The following ARMCX4 variants were observed in gnomAD, a reference collection of about 807,000 sequenced individuals.
ARMCX4 encodes armadillo repeat containing X-linked 4.
ARMCX4 carries 3 observed loss-of-function variants against 34.7 expected under a neutral mutation model. That is an observed-to-expected ratio of 0.09 (90% CI 0.04 to 0.22). ARMCX4 has a LOEUF of 0.22. Ranked by LOEUF, ARMCX4 falls within the 10% of genes least tolerant of loss-of-function variation. The pLI is 1.00. For missense variants in ARMCX4, 1,448 were observed against 1,720.8 expected (o/e 0.84, Z 2.81); for synonymous variants, 513 against 632.8 (o/e 0.81, Z 2.84).
At chrX:101,441,419 C>A (rs2147562547) in intron 2 of ARMCX4, among the ~76,000 whole-genome samples, 1 of 110,860 alleles carries the variant, frequency 9.0e-6, no homozygotes, top group South Asian at 3.9e-4. Flanking sequence ...CTTACCATCT[C>A]CTTCACCTTG....
At chrX:101,508,617 A>G (rs1295028138) in intron 8 of ARMCX4, among the ~76,000 whole-genome samples, 1 of 111,523 alleles carries the variant, frequency 9.0e-6, no homozygotes, top group Non-Finnish European at 1.9e-5. Context: ...CAATATATAA[A>G]TTTTGGGGGA....
intron 4 of ARMCX4, among the ~76,000 whole-genome samples, chrX:101,473,100 G>A (rs371074585): frequency 3.6e-5 from 4 of 111,247 alleles, no homozygotes; most frequent in Non-Finnish European, 7.5e-5. Context: ...TCAAAATAAA[G>A]GGATGGAGGA....
chrX:101,466,720 A>G (rs1275589803), intron 4 of ARMCX4, among the ~76,000 whole-genome samples: 1 of 111,787 alleles, frequency 8.9e-6, no homozygotes, highest in African/African-American at 3.3e-5. Flanking sequence ...GGCTGAAGAG[A>G]GAGGGTTGAC....
chrX:101,531,087 A>T (rs912048990), intron 11 of ARMCX4, among the ~76,000 whole-genome samples: 2 of 111,445 alleles, frequency 1.8e-5, no homozygotes, highest in African/African-American at 6.5e-5. Context: ...TGGAGAATCT[A>T]TTTCCTTGCA....
At chrX:101,457,948 G>T (rs1183340966) in intron 4 of ARMCX4, among the ~76,000 whole-genome samples, 1 of 110,052 alleles carries the variant, frequency 9.1e-6, no homozygotes, top group Non-Finnish European at 1.9e-5. Context: ...CACCACGTTG[G>T]CCAGGCTGGT....
chrX:101,477,229 C>T (rs1269043720), intron 4 of ARMCX4, among the ~76,000 whole-genome samples: 2 of 108,488 alleles, frequency 1.8e-5, no homozygotes, highest in Admixed American at 2.0e-4. Context: ...CACTTGAAGT[C>T]AAGAGTTTGA....
chrX:101,476,161 C>G (rs59828086), intron 4 of ARMCX4, among the ~76,000 whole-genome samples: 6,974 of 109,571 alleles, frequency 0.064, 227 homozygotes, highest in African/African-American at 0.13. Context: ...ATTTATTATT[C>G]ATAATTTATT....
chrX:101,510,194 G>A (rs782532375), intron 10 of ARMCX4, among the ~76,000 whole-genome samples: 1 of 111,492 alleles, frequency 9.0e-6, no homozygotes, highest in African/African-American at 3.3e-5. Flanking sequence ...ATATATATAC[G>A]CATATATTCA....
intron 4 of ARMCX4, among the ~76,000 whole-genome samples, chrX:101,459,141 A>G (rs1253203722): frequency 8.9e-6 from 1 of 111,818 alleles, no homozygotes; most frequent in East Asian, 2.8e-4. Context: ...TGTCTTGTTT[A>G]GCCACTCCAG....
chrX:101,467,546 G>A (rs1331231711), intron 4 of ARMCX4, among the ~76,000 whole-genome samples: 1 of 112,012 alleles, frequency 8.9e-6, no homozygotes, highest in Non-Finnish European at 1.9e-5. Flanking sequence ...ATCAAACTGG[G>A]TTAAGCTGGT....
At chrX:101,511,790 G>T (rs1013074560) in intron 11 of ARMCX4, among the ~76,000 whole-genome samples, 2 of 111,303 alleles carry the variant, frequency 1.8e-5, no homozygotes, top group Non-Finnish European at 3.8e-5. Flanking sequence ...ACATGGAGAG[G>T]AATCCTCCAA....
upstream of ARMCX4, among the ~76,000 whole-genome samples, chrX:101,481,914 A>T (rs1933467177): frequency 9.0e-6 from 1 of 111,351 alleles, no homozygotes; most frequent in Admixed American, 9.6e-5. Context: ...TAAATGAAAA[A>T]AAAGCAAGTT....
intron 12 of ARMCX4, chrX:101,532,613 G>A (rs1355076935): frequency 6.3e-5 from 7 of 111,210 alleles, no homozygotes; most frequent in Non-Finnish European, 1.1e-4. Flanking sequence ...AAGTGGGAAA[G>A]TGCAGAAATT....
At chrX:101,461,077 A>G (rs1407735366) in intron 4 of ARMCX4, among the ~76,000 whole-genome samples, 1 of 112,264 alleles carries the variant, frequency 8.9e-6, no homozygotes, top group Non-Finnish European at 1.9e-5. Context: ...TTATTTGTAC[A>G]ATATAACATA....
chrX:101,447,479 T>A (rs782505881), downstream of ARMCX4: 5 of 111,891 alleles, frequency 4.5e-5, no homozygotes, highest in Admixed American at 9.5e-5. Flanking sequence ...ACAAGGTTTC[T>A]CTTGATGTCT....
Position 101,492,958 on chromosome X carries a change from G to A in ARMCX4, c.4369G>A (p.Ala1457Thr). Residue 1457 changes from alanine (A) to threonine (T), a missense_variant, in exon 6 of 6, where the codon GCT becomes ACT. By Grantham distance (58) the Ala-to-Thr change is moderately conservative. This residue lies in a region of ARMCX4 where 1,343 missense variants were observed against 1,540.7 expected (regional missense o/e 0.87). Coordinates refer to ENST00000423738, the MANE Select transcript of ARMCX4 (RefSeq NM_001256155.3). ...GTCCTGGACTGGGGCTGGGCATCCA[G>A]CTAGTGTTGGGCCAAAGCCTATATT... is the stretch of plus-strand genomic sequence containing the variant. Reference protein sequence around the residue: ...GGSWTGAGHPASVGPKPIFED... With the variant: ...GGSWTGAGHPTSVGPKPIFED... The A allele has an allele frequency of 5.2e-6, 6 of 1,155,343 alleles. No homozygotes were observed. The highest frequency in any genetic ancestry group is 6.9e-6 in the Non-Finnish European group (6 of 872,400).
chrX:101,492,484 G>A lies in ARMCX4; in HGVS notation c.3895G>A (p.Ala1299Thr). ...VSYWAGVVDQ[A>T]GGGSWAGTSD... is the part of the protein sequence containing the mutation. ...ATACTGGGCTGGGGTTGTGGATCAG[G>A]CCGGTGGAGGGTCCTGGGCTGGGAC... The change falls in exon 6 of 6, where the codon GCC becomes ACC. Residue 1299 changes from alanine (A) to threonine (T), a missense_variant. Coordinates refer to ENST00000423738, the MANE Select transcript of ARMCX4 (RefSeq NM_001256155.3). 1 of 1,152,334 alleles carries A rather than the reference G, an allele frequency of 8.7e-7. No individual in the cohort carries two copies. The highest frequency in any genetic ancestry group is 3.3e-5 in the East Asian group (1 of 30,682). The allele number at this position is 1,152,334 out of a possible 1,213,427, so 95.0% of individuals were successfully genotyped here.
intron 2 of ARMCX4, among the ~76,000 whole-genome samples, chrX:101,435,570 T>C (rs1447483206): frequency 9.0e-6 from 1 of 111,373 alleles, no homozygotes; most frequent in African/African-American, 3.3e-5. Flanking sequence ...TTGCAAAAAT[T>C]TTCTCCCATT....
Position 101,493,785 on chromosome X carries a change from A to G in ARMCX4, c.5196A>G (p.Gly1732=). The part of the protein sequence containing the change: ...QVSFEVEANE[G]FWFGPGAEAV... ...GTTTTGAGGTGGAGGCCAATGAAGG[A>G]TTCTGGTTTGGGCCTGGAGCTGAGG... Residue 1732 remains glycine (G), a synonymous_variant, in exon 6 of 6, where the codon GGA becomes GGG. Transcript: ENST00000423738. 8.7e-7 allele frequency: 1 copy of G among 1,152,896 alleles called. No homozygotes were observed. The highest frequency in any genetic ancestry group is 1.1e-6 in the Non-Finnish European group (1 of 872,041).
Sources: allele counts gnomAD v4.1 joint callset (sites outside exome capture counted in the v4.1 genomes callset), GRCh38; gene constraint gnomAD v4.1.1; regional missense constraint gnomAD v4.1.1; transcripts MANE v1.5; gene names NCBI Gene and HGNC (gene_info 2026-07-23, HGNC 2026-07-21).